SEC14L5: variants seen among roughly 807,000 people sequenced by gnomAD.
SEC14L5 encodes SEC14-like protein 5.
Under a neutral mutation model 84.6 loss-of-function variants are expected in SEC14L5, and 96 were observed. That is an observed-to-expected ratio of 1.13 (90% CI 0.96 to 1.34). The LOEUF (loss-of-function observed/expected upper bound fraction) is 1.34, where lower values mean the gene tolerates loss of function less well. Ranked by LOEUF, SEC14L5 falls within the 40% of genes most tolerant of loss-of-function variation. The pLI is 0.00. For synonymous variants in SEC14L5, 546 were observed against 383.4 expected (o/e 1.42, Z -4.95); for missense variants, 1,224 against 942.5 (o/e 1.30, Z -3.91).
At chr16:4,971,211 C>G (rs975713238) in intron 2 of SEC14L5, among the ~76,000 whole-genome samples, 1 of 152,130 alleles carries the variant, frequency 6.6e-6, no homozygotes, top group South Asian at 2.1e-4. Flanking sequence ...AATCGTAGCA[C>G]TTTGGAATGC....
At chr16:4,993,329 C>T (rs1955572569) in intron 6 of SEC14L5, among the ~76,000 whole-genome samples, 1 of 152,120 alleles carries the variant, frequency 6.6e-6, no homozygotes, top group African/African-American at 2.4e-5. Context: ...GCAACCTCTG[C>T]CTCCCGGCTT....
intron 8 of SEC14L5, among the ~76,000 whole-genome samples, chr16:4,998,521 G>A (rs1043113291): frequency 2.0e-5 from 3 of 149,070 alleles, no homozygotes; most frequent in African/African-American, 7.4e-5. Flanking sequence ...GGCGGATCAC[G>A]AGGTCAGGAG....
In SEC14L5 at chr16:5,003,532, A is replaced by G; in HGVS notation, c.1261A>G (p.Ile421Val). 1 of 1,423,950 alleles carries G rather than the reference A, an allele frequency of 7.0e-7. No homozygotes were observed. Among genetic ancestry groups the G allele is most frequent in the Non-Finnish European group, 9.4e-7 (1 of 1,066,592 alleles). 88.2% of individuals were successfully genotyped at this position (1,423,950 alleles called of 1,614,324 possible). The part of the protein sequence containing the change: ...NYPETLGRLL[I>V]VRAPRVFPVL... ...CCCAGAGACCCTGGGTCGGCTGCTC[A>G]TCGTGCGAGCCCCCCGAGTCTTCCC... Residue 421 changes from isoleucine (I) to valine (V), a missense_variant, in exon 11 of 16, where the codon ATC becomes GTC. Coordinates refer to ENST00000251170, the MANE Select transcript of SEC14L5 (RefSeq NM_014692.2).
intron 8 of SEC14L5, among the ~76,000 whole-genome samples, chr16:4,998,276 G>A (rs1233298031): frequency 1.3e-5 from 2 of 151,102 alleles, no homozygotes; most frequent in African/African-American, 2.4e-5. Context: ...TGAAGTGCTG[G>A]GATTACAGGA....
chr16:4,997,170 C>G (rs1165640327), intron 8 of SEC14L5, 126 bp downstream of exon 8: 4 of 636,268 alleles, frequency 6.3e-6, no homozygotes, highest in Middle Eastern at 4.5e-4. Context: ...GCCATCTCGG[C>G]TCACCATAAT....
rs757585869 is a variant in SEC14L5 at position 5,007,376 on chromosome 16, G to T, written c.1462G>T (p.Val488Phe). The change falls in exon 13 of 16, where the codon GTC becomes TTC. Residue 488 changes from valine (V) to phenylalanine (F), a missense_variant. By Grantham distance (50) the Val-to-Phe change is conservative. Coordinates refer to ENST00000251170, the MANE Select transcript of SEC14L5 (RefSeq NM_014692.2). Reference sequence around the variant, plus strand: ...GTGTAATGTCCCCGAAGGAGGGCTGGTCCCCAAGTCCCTCTACATGACAGA... The same window carrying T: ...GTGTAATGTCCCCGAAGGAGGGCTGTTCCCCAAGTCCCTCTACATGACAGA... ...SVCNVPEGGL[V>F]PKSLYMTEEE... The T allele has an allele frequency of 6.2e-7, 1 of 1,613,830 alleles. No individual in the cohort carries two copies. The highest frequency in any genetic ancestry group is 8.5e-7 in the Non-Finnish European group (1 of 1,179,810).
intron 8 of SEC14L5, among the ~76,000 whole-genome samples, chr16:4,999,437 C>G (rs371831625): frequency 2.6e-5 from 4 of 151,430 alleles, no homozygotes; most frequent in East Asian, 3.9e-4. Context: ...AGCTCGCCCC[C>G]CTCCACCACA....
intron 4 of SEC14L5, among the ~76,000 whole-genome samples, 163 bp downstream of exon 4, chr16:4,988,443 G>A (rs534274756): frequency 1.3e-5 from 2 of 152,330 alleles, no homozygotes; most frequent in East Asian, 1.9e-4. Flanking sequence ...TTTGCATTCC[G>A]ATGAACAACC....
intron 2 of SEC14L5, among the ~76,000 whole-genome samples, chr16:4,977,436 G>C (rs1256577697): frequency 2.4e-5 from 2 of 85,014 alleles, no homozygotes; most frequent in Non-Finnish European, 4.0e-5. Flanking sequence ...GAAAGAGTGA[G>C]ACTCCGTCTC....
intron 2 of SEC14L5, among the ~76,000 whole-genome samples, chr16:4,965,993 G>C (rs1235429187): frequency 6.6e-6 from 1 of 152,058 alleles, no homozygotes; most frequent in African/African-American, 2.4e-5. Context: ...AGTGAGCTGT[G>C]ATGTTGCTAC....
chr16:4,979,509 T>C (rs1209560454), intron 2 of SEC14L5, among the ~76,000 whole-genome samples: 4 of 152,222 alleles, frequency 2.6e-5, no homozygotes, highest in Non-Finnish European at 5.9e-5. Context: ...ACTGCAATGA[T>C]GGTTAGGCTT....
chr16:4,988,483 G>C (rs984257969), intron 4 of SEC14L5, among the ~76,000 whole-genome samples: 1 of 152,172 alleles, frequency 6.6e-6, no homozygotes, highest in Non-Finnish European at 1.5e-5. Flanking sequence ...CTCAAATATT[G>C]CTTGGGATAT....
In SEC14L5 at chr16:5,000,602, A is replaced by G. The variant is rs1018127069; in HGVS notation, c.971-53A>G. 3.6e-6 allele frequency: 5 copies of G among 1,386,370 alleles called. No homozygotes were observed. In the African/African-American group the frequency reaches 7.2e-5, roughly 20 times the overall value. The allele number at this position is 1,386,370 out of a possible 1,614,324, so 85.9% of individuals were successfully genotyped here. On this transcript the variant is annotated intron_variant, in intron 8 of 15. Coordinates refer to ENST00000251170, the MANE Select transcript of SEC14L5 (RefSeq NM_014692.2). ...CCTGCAGCTGTGACCTGCCCCTCGG[A>G]AGCAGTCCTCTAAATAACGGGCTCT... is the stretch of plus-strand genomic sequence containing the variant.
At chr16:4,960,120 C>T (rs974809534) in intron 2 of SEC14L5, among the ~76,000 whole-genome samples, 3 of 152,212 alleles carry the variant, frequency 2.0e-5, no homozygotes, top group African/African-American at 4.8e-5. Flanking sequence ...CTGGTCTTTT[C>T]ACCCTGGGGG....
In SEC14L5 at chr16:5,017,748, G is replaced by C. The variant is rs920041197; in HGVS notation, c.*2778G>C. On this transcript the variant is annotated 3_prime_UTR_variant, in exon 16 of 16. Coordinates refer to ENST00000251170, the MANE Select transcript of SEC14L5 (RefSeq NM_014692.2). The stretch of plus-strand genomic sequence containing the variant: ...ATCCATGGTGGCATCTGCTACGGCC[G>C]GCTCTCCTCCCATGTGGAGGTCTCG... 6.6e-6 allele frequency: 1 copy of C among 152,148 alleles called. No individual in the cohort carries two copies. Among genetic ancestry groups the C allele is most frequent in the Non-Finnish European group, 1.5e-5 (1 of 68,040 alleles). The allele number at this position is 152,148 out of a possible 1,614,324, so 9.4% of individuals were successfully genotyped here. A position where few individuals can be genotyped will look rare whatever the true frequency, so the allele number is the denominator to read the frequency against.
intron 2 of SEC14L5, among the ~76,000 whole-genome samples, chr16:4,971,116 G>A (rs1955273010): frequency 7.0e-6 from 1 of 142,530 alleles, no homozygotes; most frequent in East Asian, 2.1e-4. Context: ...AAAAGAACTA[G>A]CTGACTTTGG....
At chr16:4,975,720 G>C (rs1261585948) in intron 2 of SEC14L5, among the ~76,000 whole-genome samples, 2 of 152,086 alleles carry the variant, frequency 1.3e-5, no homozygotes, top group Non-Finnish European at 2.9e-5. Flanking sequence ...AGTTGGAGGA[G>C]GTGAGTAGAT....
chr16:4,972,749 T>G (rs1398599638), intron 2 of SEC14L5, among the ~76,000 whole-genome samples: 1 of 152,236 alleles, frequency 6.6e-6, no homozygotes, highest in Non-Finnish European at 1.5e-5. Context: ...GATGGACACG[T>G]GGGTGTTTTC....
At chr16:4,975,400 G>C (rs976357061) in intron 2 of SEC14L5, among the ~76,000 whole-genome samples, 1 of 148,526 alleles carries the variant, frequency 6.7e-6, no homozygotes, top group South Asian at 2.1e-4. Flanking sequence ...GTGAACCCGG[G>C]AGGCAGAGCT....
Sources: allele counts gnomAD v4.1 joint callset (sites outside exome capture counted in the v4.1 genomes callset), GRCh38; gene constraint gnomAD v4.1.1; transcripts MANE v1.5; gene names NCBI Gene and HGNC (gene_info 2026-07-23, HGNC 2026-07-21).